The following JARID2 variants were observed in gnomAD, a reference collection of about 807,000 sequenced individuals.
JARID2 encodes jumonji and AT-rich interaction domain containing 2.
Under a neutral mutation model 125.6 loss-of-function variants are expected in JARID2, and 21 were observed. The observed-to-expected ratio is 0.17, with a 90% CI of 0.12 to 0.24. JARID2 has a LOEUF of 0.24. JARID2 is among the 10% of genes least tolerant of loss of function. JARID2 has a pLI of 1.00. For synonymous variants in JARID2, 736 were observed against 661.6 expected (o/e 1.11, Z -1.73); for missense variants, 1,303 against 1,639.6 (o/e 0.79, Z 3.55).
chr6:15,487,254 C>T (rs993962159), intron 5 of JARID2, 53 bp from the exon 6 acceptor site: 13 of 1,443,996 alleles, frequency 9.0e-6, no homozygotes, highest in East Asian at 7.1e-5. Context: ...CAGTAGTTTG[C>T]GTGGTAGTGG....
chr6:15,273,727 A>C (rs952586635), intron 1 of JARID2, among the ~76,000 whole-genome samples: 1 of 152,024 alleles, frequency 6.6e-6, no homozygotes, highest in Non-Finnish European at 1.5e-5. Flanking sequence ...AAGCAAACAA[A>C]ACAGCTGTTT....
Position 15,496,992 on chromosome 6 carries a change from G to A in JARID2, c.1767G>A (p.Val589=). 1.9e-6 allele frequency: 3 copies of A among 1,614,052 alleles called. No homozygotes were observed. The highest frequency in any genetic ancestry group is 1.3e-5 in the African/African-American group (1 of 75,078). The change falls in exon 7 of 18, where the codon GTG becomes GTA. Residue 589 remains valine, a synonymous_variant. Coordinates refer to ENST00000341776, the MANE Select transcript of JARID2 (RefSeq NM_004973.4). ...TGGAGAAGTTCGGGATGTGCAGGGTGATCCCCCCTCCGGACTGGCGGCCCG... is the reference window on the plus strand; with the variant it reads ...TGGAGAAGTTCGGGATGTGCAGGGTAATCCCCCCTCCGGACTGGCGGCCCG... ...AQVEKFGMCR[V]IPPPDWRPEC...
intron 3 of JARID2, among the ~76,000 whole-genome samples, chr6:15,445,932 A>C (rs980196848): frequency 3.3e-5 from 5 of 152,258 alleles, no homozygotes; most frequent in African/African-American, 1.2e-4. Context: ...TTCTTAACGA[A>C]ACTGAATTCC....
intron 12 of JARID2, among the ~76,000 whole-genome samples, chr6:15,509,703 C>T (rs1168667610): frequency 6.6e-6 from 1 of 152,204 alleles, no homozygotes; most frequent in African/African-American, 2.4e-5. Context: ...CTGGCTGTGG[C>T]ATGGCCTGTG....
chr6:15,436,918 G>C (rs1055522081), intron 3 of JARID2, among the ~76,000 whole-genome samples: 1 of 152,042 alleles, frequency 6.6e-6, no homozygotes, highest in Admixed American at 6.5e-5. Flanking sequence ...TTCCCTGAGA[G>C]AGCAATTGAG....
rs6914503 is a variant in JARID2 at position 15,465,929 on chromosome 6, G to A, written c.494-2613G>A. On this transcript the variant is annotated intron_variant, in intron 4 of 17. Coordinates refer to ENST00000341776, the MANE Select transcript of JARID2 (RefSeq NM_004973.4). ...AGTGATTCTCCTGTCTCAGCCTCCC[G>A]AGTAGCTGGGATTACAGACATGCAT... Among the ~76,000 whole-genome samples the A allele has an allele frequency of 7.5e-3, 1,147 of 151,978 alleles. 19 individuals carry two copies. The highest frequency in any genetic ancestry group is 0.026 in the African/African-American group (1,086 of 41,444).
intron 2 of JARID2, among the ~76,000 whole-genome samples, chr6:15,387,891 A>T (rs575873272): frequency 6.6e-6 from 1 of 152,240 alleles, no homozygotes; most frequent in African/African-American, 2.4e-5. Context: ...AGGTCGAGGG[A>T]ATCCTATCTG....
intron 1 of JARID2, among the ~76,000 whole-genome samples, chr6:15,278,011 G>A (rs1760600708): frequency 6.6e-6 from 1 of 152,134 alleles, no homozygotes; most frequent in Non-Finnish European, 1.5e-5. Flanking sequence ...ACTTTGGGAG[G>A]CCGAGGTGGG....
chr6:15,274,640 G>C (rs752093278), intron 1 of JARID2, among the ~76,000 whole-genome samples: 1 of 152,082 alleles, frequency 6.6e-6, no homozygotes, highest in African/African-American at 2.4e-5. Flanking sequence ...TTCAGACCTC[G>C]ACTTTTTGTG....
At chr6:15,473,826 AG>A (rs1308108419) in intron 5 of JARID2, among the ~76,000 whole-genome samples, 1 of 152,196 alleles carries the variant, frequency 6.6e-6, no homozygotes. Flanking sequence ...ACAGGATGTC[AG>A]TGCTTCCTTA....
At chr6:15,413,279 T>G (rs936075138) in intron 3 of JARID2, among the ~76,000 whole-genome samples, 1 of 152,086 alleles carries the variant, frequency 6.6e-6, no homozygotes, top group African/African-American at 2.4e-5. Context: ...TCCCAAAGTG[T>G]TGGGATTACA....
chr6:15,505,455 T>C (rs1044617035), intron 9 of JARID2, among the ~76,000 whole-genome samples: 2 of 152,128 alleles, frequency 1.3e-5, no homozygotes, highest in Non-Finnish European at 2.9e-5. Flanking sequence ...TATCTTGTTT[T>C]GCCCAGGTTT....
intron 1 of JARID2, among the ~76,000 whole-genome samples, chr6:15,349,342 C>T (rs1354137084): frequency 2.6e-5 from 4 of 152,228 alleles, no homozygotes; most frequent in African/African-American, 9.6e-5. Flanking sequence ...TCTCCATCCA[C>T]AACCACAACA....
In JARID2 at chr6:15,496,968, G is replaced by A; in HGVS notation, c.1743G>A (p.Val581=). 1.2e-6 allele frequency: 2 copies of A among 1,613,386 alleles called. No individual in the cohort carries two copies. The highest frequency in any genetic ancestry group is 8.5e-7 in the Non-Finnish European group (1 of 1,179,478). ...LIYIESVRAQ[V]EKFGMCRVIP... is the part of the protein sequence containing the mutation. ...ACATCGAGTCGGTCCGCGCTCAGGTGGAGAAGTTCGGGATGTGCAGGGTGA... is the reference window on the plus strand; with the variant it reads ...ACATCGAGTCGGTCCGCGCTCAGGTAGAGAAGTTCGGGATGTGCAGGGTGA... Residue 581 remains valine (V), a synonymous_variant, in exon 7 of 18, where the codon GTG becomes GTA. Transcript: ENST00000341776.
chr6:15,515,205 CTTTT>C (rs79690580), intron 16 of JARID2, among the ~76,000 whole-genome samples: 3 of 146,240 alleles, frequency 2.1e-5, no homozygotes, highest in Non-Finnish European at 4.6e-5. Context: ...GCCTGGTTAA[CTTTT>C]TTTTTTTTTG....
chr6:15,418,363 G>A (rs1210017515), intron 3 of JARID2, among the ~76,000 whole-genome samples: 3 of 151,894 alleles, frequency 2.0e-5, no homozygotes, highest in East Asian at 1.9e-4. Context: ...GACTACAGGT[G>A]CATGCCACCA....
At chr6:15,340,722 T>G (rs1163343390) in intron 1 of JARID2, among the ~76,000 whole-genome samples, 30 of 152,244 alleles carry the variant, frequency 2.0e-4, no homozygotes, top group Admixed American at 2.0e-3. Context: ...GGCCGTGATC[T>G]TTATTTCAAT....
chr6:15,264,501 G>A (rs2127335252), intron 1 of JARID2, among the ~76,000 whole-genome samples: 1 of 152,162 alleles, frequency 6.6e-6, no homozygotes, highest in African/African-American at 2.4e-5. Context: ...TCATTAGTTT[G>A]GCTTACTAAC....
At chr6:15,454,203 A>C (rs1768048199) in intron 4 of JARID2, among the ~76,000 whole-genome samples, 1 of 151,938 alleles carries the variant, frequency 6.6e-6, no homozygotes, top group Non-Finnish European at 1.5e-5. Context: ...ACGATGGGAA[A>C]CTCAGCCCTG....
Sources: allele counts gnomAD v4.1 joint callset (sites outside exome capture counted in the v4.1 genomes callset), GRCh38; gene constraint gnomAD v4.1.1; transcripts MANE v1.5; gene names NCBI Gene and HGNC (gene_info 2026-07-23, HGNC 2026-07-21).